The following KLF15 variants were observed in gnomAD, a reference collection of about 807,000 sequenced individuals.
The protein encoded by KLF15 is Krueppel-like factor 15.
Under a neutral mutation model 24.6 loss-of-function variants are expected in KLF15, and 4 were observed. The observed-to-expected ratio is 0.16, with a 90% CI of 0.08 to 0.37. The LOEUF (loss-of-function observed/expected upper bound fraction) is 0.37. KLF15 is among the 10% of genes least tolerant of loss of function. The pLI, the probability that KLF15 is intolerant of heterozygous loss-of-function variation, is 1.00. For missense variants in KLF15, 496 were observed against 560.6 expected (o/e 0.88, Z 1.16); for synonymous variants, 246 against 236.3 (o/e 1.04, Z -0.37).
intron 2 of KLF15, among the ~76,000 whole-genome samples, chr3:126,348,885 C>T (rs1327525736): frequency 1.3e-5 from 2 of 152,142 alleles, no homozygotes; most frequent in African/African-American, 4.8e-5. Context: ...AATGAGCTCC[C>T]CATGGCAGGA....
chr3:126,343,567 G>A lies in KLF15; in HGVS notation c.*160C>T, dbSNP rs565300218. 4.4e-6 allele frequency: 3 copies of A among 686,674 alleles called. No homozygotes were observed. In the African/African-American group the frequency reaches 5.5e-5, roughly 13 times the overall value. 42.5% of individuals were successfully genotyped at this position (686,674 alleles called of 1,614,324 possible). A position where few individuals can be genotyped will look rare whatever the true frequency, so the allele number is the denominator to read the frequency against. ...GAGGCTCTAAGTACTCCCGAGAAAG[G>A]CAGCGGTTGGCGGGCCCTGGGTTCA... On this transcript the variant is annotated 3_prime_UTR_variant, in exon 3 of 3. Transcript: ENST00000296233.
At chr3:126,339,921 AG>A (rs1487255635), downstream of KLF15, among the ~76,000 whole-genome samples, 265 of 152,312 alleles carry the variant, frequency 1.7e-3, 5 homozygotes, top group Admixed American at 0.016. Context: ...GCTCCTACGT[AG>A]GGCCTTTTGG....
the KLF15 span, among the ~76,000 whole-genome samples, chr3:126,312,582 C>A: frequency 6.6e-6 from 1 of 152,214 alleles, no homozygotes; most frequent in African/African-American, 2.4e-5. Flanking sequence ...CCCAGCAATG[C>A]GCTAAGTGCT....
chr3:126,344,054 C>T (rs531010295), intron 2 of KLF15, among the ~76,000 whole-genome samples, 159 bp from the exon 3 acceptor site: 1 of 152,316 alleles, frequency 6.6e-6, no homozygotes, highest in South Asian at 2.1e-4. Context: ...GGTCCCCCAT[C>T]TACGTCGGTA....
chr3:126,318,138 G>C, the KLF15 span, among the ~76,000 whole-genome samples: 2 of 151,984 alleles, frequency 1.3e-5, no homozygotes, highest in African/African-American at 4.8e-5. Flanking sequence ...TCTTGCACTT[G>C]GTCCTTTCCC....
chr3:126,298,960 GT>G, the KLF15 span, among the ~76,000 whole-genome samples: 5 of 152,080 alleles, frequency 3.3e-5, no homozygotes, highest in African/African-American at 1.2e-4. Flanking sequence ...CTCTTTTTTG[GT>G]TCTATATAAA....
the KLF15 span, among the ~76,000 whole-genome samples, chr3:126,308,022 C>T: frequency 6.6e-6 from 1 of 152,322 alleles, no homozygotes; most frequent in South Asian, 2.1e-4. Context: ...AGCCAGCGTC[C>T]CAGCTACCAA....
Position 126,343,404 on chromosome 3 carries a change from CAG to C in KLF15, c.*321_*322del. 1 of 322,356 alleles carries C rather than the reference CAG, an allele frequency of 3.1e-6. No homozygotes were observed. Among genetic ancestry groups the C allele is most frequent in the South Asian group, 4.5e-5 (1 of 22,370 alleles). The allele number at this position is 322,356 out of a possible 1,614,324, so 20.0% of individuals were successfully genotyped here. A position where few individuals can be genotyped will look rare whatever the true frequency, so the allele number is the denominator to read the frequency against. On this transcript the variant is annotated 3_prime_UTR_variant, in exon 3 of 3. Coordinates refer to ENST00000296233, the MANE Select transcript of KLF15 (RefSeq NM_014079.4). Reference sequence around the variant, plus strand: ...TGGGGGAGCCCAGTGGGAGAAGGGCCAGGTCCCCAAAACTCTGCCTGCAACCA... The same window carrying C: ...TGGGGGAGCCCAGTGGGAGAAGGGCCGTCCCCAAAACTCTGCCTGCAACCA...
chr3:126,328,518 T>G, the KLF15 span, among the ~76,000 whole-genome samples: 1 of 152,236 alleles, frequency 6.6e-6, no homozygotes, highest in Non-Finnish European at 1.5e-5. Flanking sequence ...CTGATTTCCA[T>G]AGTGGCTGTA....
At chr3:126,340,473 G>A (rs2082471728), downstream of KLF15, among the ~76,000 whole-genome samples, 1 of 152,254 alleles carries the variant, frequency 6.6e-6, no homozygotes, top group African/African-American at 2.4e-5. Flanking sequence ...AGCCCAGGCT[G>A]CTCCCTCTGA....
At chr3:126,313,170 A>T in the KLF15 span, among the ~76,000 whole-genome samples, 2 of 152,050 alleles carry the variant, frequency 1.3e-5, no homozygotes, top group African/African-American at 2.4e-5. Context: ...ACACAAAGAG[A>T]CCCCAGAGAT....
chr3:126,343,685 T>C lies in KLF15; in HGVS notation c.*42A>G, dbSNP rs1331437485. On this transcript the variant is annotated 3_prime_UTR_variant, in exon 3 of 3. Transcript: ENST00000296233. Reference sequence around the variant, plus strand: ...ATTGCTTAAAAAAATGGGGATGGGGTGGGGATCCGGGGTGACGGACAGGCT... The same window carrying C: ...ATTGCTTAAAAAAATGGGGATGGGGCGGGGATCCGGGGTGACGGACAGGCT... 1 of 1,564,444 alleles carries C rather than the reference T, an allele frequency of 6.4e-7. No individual in the cohort carries two copies. The highest frequency in any genetic ancestry group is 1.2e-5 in the South Asian group (1 of 85,204).
At chr3:126,330,226 G>A in the KLF15 span, among the ~76,000 whole-genome samples, 1 of 152,190 alleles carries the variant, frequency 6.6e-6, no homozygotes, top group African/African-American at 2.4e-5. Flanking sequence ...ACAGACACAG[G>A]AGCAAGATTA....
the KLF15 span, among the ~76,000 whole-genome samples, chr3:126,323,487 AAC>A: frequency 3.5e-5 from 2 of 57,464 alleles, no homozygotes; most frequent in African/African-American, 9.7e-5. Flanking sequence ...ATATATATAT[AAC>A]ATATATATAT....
chr3:126,300,452 C>T, the KLF15 span, among the ~76,000 whole-genome samples: 75 of 152,368 alleles, frequency 4.9e-4, no homozygotes, highest in African/African-American at 1.7e-3. Context: ...AGGCCCAGAG[C>T]GTCGGGGGTC....
the KLF15 span, among the ~76,000 whole-genome samples, chr3:126,299,558 G>A: frequency 0.03 from 4,505 of 151,790 alleles, 223 homozygotes; most frequent in African/African-American, 0.1. Flanking sequence ...GACCATCCTG[G>A]CTAAAACAGT....
the KLF15 span, among the ~76,000 whole-genome samples, chr3:126,316,512 GAGCTGC>G: frequency 1.2e-5 from 1 of 83,672 alleles, no homozygotes; most frequent in African/African-American, 5.2e-5. Context: ...GGGAGTGCAT[GAGCTGC>G]AGTGGGGAGG....
At chr3:126,334,098 C>T in the KLF15 span, among the ~76,000 whole-genome samples, 58,543 of 151,394 alleles carry the variant, frequency 0.39, 12,146 homozygotes, top group Non-Finnish European at 0.47. Flanking sequence ...GAACTCTCCA[C>T]CCCAAATCAA....
the KLF15 span, among the ~76,000 whole-genome samples, chr3:126,326,972 C>T: frequency 6.6e-6 from 1 of 152,276 alleles, no homozygotes; most frequent in African/African-American, 2.4e-5. Context: ...TCCCTAGCCT[C>T]CCCGACACAT....
Sources: allele counts gnomAD v4.1 joint callset (sites outside exome capture counted in the v4.1 genomes callset), GRCh38; gene constraint gnomAD v4.1.1; transcripts MANE v1.5; gene names NCBI Gene and HGNC (gene_info 2026-07-23, HGNC 2026-07-21).